Variants in BMPER observed in about 807,000 individuals in gnomAD.
The protein encoded by BMPER is BMP-binding endothelial regulator protein.
In BMPER, 45 loss-of-function variants were observed where a neutral mutation model predicts 87.3. The observed-to-expected ratio is 0.52, with a 90% CI of 0.41 to 0.66. The LOEUF is 0.66. BMPER is among the 30% of genes least tolerant of loss of function. BMPER has a pLI of 0.00. For synonymous variants in BMPER, 326 were observed against 316.2 expected (o/e 1.03, Z -0.33); for missense variants, 784 against 867.5 (o/e 0.90, Z 1.21).
intron 2 of BMPER, among the ~76,000 whole-genome samples, chr7:33,914,847 T>C (rs1350185655): frequency 1.3e-5 from 2 of 152,176 alleles, no homozygotes; most frequent in Non-Finnish European, 2.9e-5. Context: ...CAGAAGACGT[T>C]TGAAGAAGAC....
chr7:33,993,470 A>C (rs1259351088), intron 6 of BMPER, among the ~76,000 whole-genome samples: 1 of 151,674 alleles, frequency 6.6e-6, no homozygotes, highest in African/African-American at 2.4e-5. Flanking sequence ...CAGCTCCATC[A>C]GCTCCTTTAA....
chr7:34,106,288 G>C (rs1378208412), intron 13 of BMPER, among the ~76,000 whole-genome samples: 3 of 152,124 alleles, frequency 2.0e-5, no homozygotes, highest in African/African-American at 7.2e-5. Context: ...CCCTCTACTA[G>C]TTACCTACTC....
intron 10 of BMPER, among the ~76,000 whole-genome samples, chr7:34,058,893 A>C (rs560806784): frequency 7.9e-5 from 12 of 152,350 alleles, no homozygotes; most frequent in African/African-American, 2.9e-4. Context: ...TCTCTGTTAT[A>C]GACAGCTTTT....
chr7:33,981,771 A>G (rs1785869264), intron 6 of BMPER, among the ~76,000 whole-genome samples: 1 of 152,224 alleles, frequency 6.6e-6, no homozygotes, highest in Admixed American at 6.5e-5. Flanking sequence ...AGAGAGATGC[A>G]CGTCATTGTG....
At chr7:33,925,991 G>A (rs909427557) in intron 2 of BMPER, among the ~76,000 whole-genome samples, 6 of 152,286 alleles carry the variant, frequency 3.9e-5, no homozygotes, top group Non-Finnish European at 8.8e-5. Flanking sequence ...CCTGCCTCGC[G>A]TCTGAGCTTC....
At chr7:34,115,234 G>T (rs1012042518) in intron 13 of BMPER, among the ~76,000 whole-genome samples, 1 of 152,120 alleles carries the variant, frequency 6.6e-6, no homozygotes, top group African/African-American at 2.4e-5. Flanking sequence ...TAGTGCAAAA[G>T]TATTTAGAAA....
chr7:33,928,421 A>G (rs553492987), intron 2 of BMPER, among the ~76,000 whole-genome samples: 154 of 152,064 alleles, frequency 1.0e-3, no homozygotes, highest in Non-Finnish European at 1.8e-3. Flanking sequence ...TCTAATAAAA[A>G]ACAGGCAGTG....
intron 12 of BMPER, among the ~76,000 whole-genome samples, chr7:34,083,244 A>C (rs1261970713): frequency 6.6e-6 from 1 of 152,152 alleles, no homozygotes; most frequent in Non-Finnish European, 1.5e-5. Flanking sequence ...TAGTTGCCAG[A>C]GTTGACATGG....
At chr7:34,152,691 T>C (rs1227341899) in intron 14 of BMPER, among the ~76,000 whole-genome samples, 1 of 152,228 alleles carries the variant, frequency 6.6e-6, no homozygotes, top group Non-Finnish European at 1.5e-5. Context: ...ATTTCATATA[T>C]TTGAATATTG....
chr7:34,152,541 A>C (rs1791204602), intron 14 of BMPER, among the ~76,000 whole-genome samples: 1 of 152,170 alleles, frequency 6.6e-6, no homozygotes, highest in African/African-American at 2.4e-5. Flanking sequence ...CCCTGCAGTC[A>C]CATATCTGAC....
intron 12 of BMPER, among the ~76,000 whole-genome samples, chr7:34,081,759 C>T (rs1274259055): frequency 6.6e-6 from 1 of 152,192 alleles, no homozygotes; most frequent in Non-Finnish European, 1.5e-5. Flanking sequence ...GAGCTTTACA[C>T]TTGATGAACC....
At position 33,906,779 on chromosome 7, in the gene BMPER, C is replaced by G. The variant is rs77802442; in HGVS notation, c.134-39C>G. On this transcript the variant is annotated intron_variant, in intron 1 of 14. Transcript: ENST00000649409. Reference sequence around the variant, plus strand: ...TAAATGTTGAAATCATGCTGCTAAGCTAACTTTAAATGAAACATTTTTCCC... The same window carrying G: ...TAAATGTTGAAATCATGCTGCTAAGGTAACTTTAAATGAAACATTTTTCCC... 2,806 of 1,561,320 alleles carry G rather than the reference C, an allele frequency of 1.8e-3. 49 individuals carry two copies. The African/African-American group carries it at 0.033, about 18-fold the overall frequency.
intron 10 of BMPER, 130 bp downstream of exon 10, chr7:34,058,293 A>C: frequency 1.2e-6 from 1 of 851,716 alleles, no homozygotes; most frequent in Non-Finnish European, 1.9e-6. Context: ...GACTAGTCAA[A>C]TGCCTCTTGC....
At chr7:33,975,879 G>T (rs928977683) in intron 6 of BMPER, among the ~76,000 whole-genome samples, 3 of 151,992 alleles carry the variant, frequency 2.0e-5, no homozygotes, top group Non-Finnish European at 2.9e-5. Flanking sequence ...CCAACCTAGA[G>T]AATACAGATT....
At chr7:34,145,081 T>C (rs963648994) in intron 14 of BMPER, among the ~76,000 whole-genome samples, 10 of 152,200 alleles carry the variant, frequency 6.6e-5, no homozygotes, top group African/African-American at 2.4e-4. Flanking sequence ...AACCTAAGCC[T>C]GTGCCCTATG....
chr7:34,039,603 T>TACACACACAC lies in BMPER; in HGVS notation c.577-6672_577-6663dup, dbSNP rs56214614. The stretch of plus-strand genomic sequence containing the variant: ...TAATCTAGTGGGTAAGACACACAAA[T>TACACACACAC]ACACACACACACACACACACACACA... On this transcript the variant is annotated intron_variant, in intron 6 of 14. Coordinates refer to ENST00000649409, the MANE Select transcript of BMPER (RefSeq NM_001365308.1). Among the ~76,000 whole-genome samples the TACACACACAC allele has an allele frequency of 4.1e-3, 583 of 142,678 alleles. 1 individual carries two copies. The highest frequency in any genetic ancestry group is 0.028 in the East Asian group (131 of 4,682). 93.6% of individuals were successfully genotyped at this position (142,678 alleles called of 152,430 possible). A position where few individuals can be genotyped will look rare whatever the true frequency, so the allele number is the denominator to read the frequency against.
chr7:34,079,196 C>T lies in BMPER; in HGVS notation c.1408+10C>T. On this transcript the variant is annotated intron_variant, in intron 12 of 14. Transcript: ENST00000649409. ...GTGACCACCAAAGCAGGTGGGGCGT[C>T]TGTGGCCTCCCTCTTGCTCTAGCCT... The T allele has an allele frequency of 6.2e-7, 1 of 1,613,398 alleles. No homozygotes were observed.
intron 13 of BMPER, among the ~76,000 whole-genome samples, chr7:34,125,726 C>T (rs1032411219): frequency 1.3e-5 from 2 of 152,168 alleles, no homozygotes; most frequent in Non-Finnish European, 2.9e-5. Flanking sequence ...GATTATGCTC[C>T]TTTGCAAGGC....
intron 9 of BMPER, among the ~76,000 whole-genome samples, chr7:34,056,891 C>A (rs949394377): frequency 1.3e-5 from 2 of 152,212 alleles, no homozygotes; most frequent in African/African-American, 4.8e-5. Flanking sequence ...GCTGGGATTA[C>A]AGGCGTGAGC....
Sources: gnomAD v4.1 joint callset for allele counts (sites outside exome capture counted in the v4.1 genomes callset) on GRCh38, gnomAD v4.1.1 for gene constraint, MANE v1.5 for transcripts, NCBI Gene and HGNC (gene_info 2026-07-23, HGNC 2026-07-21) for gene names.